TP73: variants seen among roughly 807,000 people sequenced by gnomAD.
The protein encoded by TP73 is p53-like transcription factor.
TP73 carries 25 observed loss-of-function variants against 62.5 expected under a neutral mutation model. The ratio of observed to expected loss-of-function variants is 0.40; its 90% CI spans 0.29 to 0.56. The LOEUF is 0.56. Ranked by LOEUF, TP73 falls within the 20% of genes least tolerant of loss-of-function variation. The pLI is 0.46. For synonymous variants in TP73, 423 were observed against 377.5 expected (o/e 1.12, Z -1.40); for missense variants, 754 against 913.3 (o/e 0.83, Z 2.25).
At chr1:3,709,013 C>A (rs565207383) in intron 4 of TP73, among the ~76,000 whole-genome samples, 1 of 152,226 alleles carries the variant, frequency 6.6e-6, no homozygotes, top group Non-Finnish European at 1.5e-5. Flanking sequence ...GTCCCACTGC[C>A]CTGCTGGCCA....
chr1:3,727,829 G>A, intron 8 of TP73, 59 bp downstream of exon 8: 2 of 1,468,940 alleles, frequency 1.4e-6, no homozygotes, highest in South Asian at 1.4e-5. Context: ...CACATTGGCA[G>A]GACACAATGT....
At chr1:3,700,115 T>G (rs1256057264) in intron 3 of TP73, among the ~76,000 whole-genome samples, 2 of 151,978 alleles carry the variant, frequency 1.3e-5, no homozygotes, top group African/African-American at 4.8e-5. Flanking sequence ...GACAAAGGTT[T>G]CCGAATGAGC....
intron 3 of TP73, among the ~76,000 whole-genome samples, chr1:3,697,032 C>T (rs774408011): frequency 1.3e-5 from 2 of 152,182 alleles, no homozygotes; most frequent in African/African-American, 2.4e-5. Context: ...GGGATGGTGC[C>T]GTGTCTCAGC....
chr1:3,697,665 G>T (rs185502278), intron 3 of TP73, among the ~76,000 whole-genome samples: 1 of 152,368 alleles, frequency 6.6e-6, no homozygotes, highest in East Asian at 1.9e-4. Flanking sequence ...GAGGGTGCTA[G>T]GATGTCAAGC....
intron 7 of TP73, 83 bp downstream of exon 7, chr1:3,727,307 T>C (rs1641729666): frequency 7.4e-7 from 1 of 1,348,056 alleles, no homozygotes; most frequent in South Asian, 1.3e-5. Context: ...CATGGAGACC[T>C]GCAGGCCAAG....
At chr1:3,730,561 C>T (rs1642054381) in intron 11 of TP73, among the ~76,000 whole-genome samples, 1 of 152,170 alleles carries the variant, frequency 6.6e-6, no homozygotes, top group East Asian at 1.9e-4. Context: ...AGTTTGGGCC[C>T]CCTTCCCCTG....
intron 3 of TP73, 46 bp from the exon 4 acceptor site, chr1:3,707,503 C>G: frequency 6.3e-7 from 1 of 1,580,984 alleles, no homozygotes; most frequent in Non-Finnish European, 8.6e-7. Flanking sequence ...GACAGGACGA[C>G]TGACTGTGTG....
chr1:3,679,402 G>A (rs893317007), intron 1 of TP73, among the ~76,000 whole-genome samples: 4 of 152,114 alleles, frequency 2.6e-5, no homozygotes, highest in Admixed American at 6.5e-5. Flanking sequence ...CGGCTCCCAC[G>A]CTGTCTGTCT....
intron 3 of TP73, among the ~76,000 whole-genome samples, chr1:3,692,487 C>T (rs1305846997): frequency 1.3e-5 from 2 of 152,240 alleles, no homozygotes; most frequent in Non-Finnish European, 1.5e-5. Flanking sequence ...CCTTGTCTGG[C>T]TGTCACCCAC....
intron 3 of TP73, among the ~76,000 whole-genome samples, chr1:3,694,840 C>T (rs1414484739): frequency 7.1e-6 from 1 of 140,376 alleles, no homozygotes; most frequent in Admixed American, 7.2e-5. Context: ...GCCTCAGCCC[C>T]TCCTCCTGCA....
chr1:3,731,362 C>T (rs1351976958), intron 12 of TP73, 101 bp from the exon 13 acceptor site: 16 of 1,223,952 alleles, frequency 1.3e-5, no homozygotes, highest in South Asian at 8.2e-5. Context: ...TCGGAGACAG[C>T]GGCAGTCTCC....
At chr1:3,682,085 C>T (rs895175496) in intron 1 of TP73, among the ~76,000 whole-genome samples, 2 of 152,252 alleles carry the variant, frequency 1.3e-5, no homozygotes, top group African/African-American at 4.8e-5. Flanking sequence ...AGGGCACCCC[C>T]ACGGATGGGT....
chr1:3,719,907 T>TGTGTGTGTGTGTGTGTTC (rs1640927542), intron 4 of TP73, among the ~76,000 whole-genome samples: 2 of 150,236 alleles, frequency 1.3e-5, no homozygotes, highest in African/African-American at 4.9e-5. Flanking sequence ...TGTGTGTGTG[T>TGTGTGTGTGTGTGTGTTC]GTGTGTGTGT....
At chr1:3,732,332 A>C (rs1444400801) in intron 13 of TP73, among the ~76,000 whole-genome samples, 2 of 152,140 alleles carry the variant, frequency 1.3e-5, no homozygotes, top group Admixed American at 1.3e-4. Context: ...GTCCCCAGTG[A>C]CCCACGCTGA....
chr1:3,726,034 T>G (rs1193121441), intron 6 of TP73, among the ~76,000 whole-genome samples: 3 of 23,828 alleles, frequency 1.3e-4, no homozygotes, highest in South Asian at 2.0e-3. Flanking sequence ...GGTGGATGTG[T>G]GGGTGGATGG....
At chr1:3,723,326 T>C (rs1475319607) in intron 5 of TP73, 28 bp from the exon 6 acceptor site, 2 of 1,594,556 alleles carry the variant, frequency 1.3e-6, no homozygotes, top group African/African-American at 2.7e-5. Context: ...TCTATGCACC[T>C]CTCTGAAGTG....
intron 3 of TP73, among the ~76,000 whole-genome samples, chr1:3,686,305 G>C (rs1429372211): frequency 6.6e-6 from 1 of 152,248 alleles, no homozygotes; most frequent in Non-Finnish European, 1.5e-5. Context: ...GACACAGGGT[G>C]TCTGAGGGAT....
At chr1:3,695,610 C>T (rs972179049) in intron 3 of TP73, among the ~76,000 whole-genome samples, 1 of 152,256 alleles carries the variant, frequency 6.6e-6, no homozygotes, top group African/African-American at 2.4e-5. Flanking sequence ...CCACTCTGTT[C>T]CTGCAGAAAG....
At chr1:3,690,732 C>T in intron 3 of TP73, 2 of 1,438,146 alleles carry the variant, frequency 1.4e-6, no homozygotes, top group Non-Finnish European at 1.8e-6. Context: ...AACAAACGGC[C>T]CGCATGTTCC....
Sources: gnomAD v4.1 joint callset for allele counts (sites outside exome capture counted in the v4.1 genomes callset) on GRCh38, gnomAD v4.1.1 for gene constraint, MANE v1.5 for transcripts, NCBI Gene and HGNC (gene_info 2026-07-23, HGNC 2026-07-21) for gene names.